CSMD1: variants seen among roughly 807,000 people sequenced by gnomAD.
The protein encoded by CSMD1 is CUB and Sushi multiple domains 1.
Under a neutral mutation model 417.5 loss-of-function variants are expected in CSMD1, and 213 were observed. The observed-to-expected ratio is 0.51, with a 90% CI of 0.46 to 0.57. The LOEUF is 0.57. CSMD1 is among the 20% of genes least tolerant of loss of function. The pLI is 0.00. For missense variants in CSMD1, 6,923 were observed against 4,529.7 expected, an observed-to-expected ratio of 1.53 and a Z score of -15.17; for synonymous variants, 2,862 against 1,736.8, an observed-to-expected ratio of 1.65 and a Z score of -16.11.
intron 3 of CSMD1, among the ~76,000 whole-genome samples, chr8:4,139,056 C>T (rs927654461): frequency 6.6e-6 from 1 of 152,114 alleles, no homozygotes; most frequent in Admixed American, 6.5e-5. Context: ...AGACTTGGGG[C>T]CACCAAAAAC....
At chr8:4,692,838 A>G (rs1806858629) in intron 1 of CSMD1, among the ~76,000 whole-genome samples, 1 of 152,158 alleles carries the variant, frequency 6.6e-6, no homozygotes, top group African/African-American at 2.4e-5. Flanking sequence ...GTCATGAACT[A>G]CTTTCTCATC....
At chr8:3,665,703 C>T (rs1229563681) in intron 7 of CSMD1, among the ~76,000 whole-genome samples, 8 of 152,002 alleles carry the variant, frequency 5.3e-5, no homozygotes, top group African/African-American at 1.2e-4. Context: ...GTGAAACCAT[C>T]GCTACATATC....
Position 2,968,558 on chromosome 8 carries a change from A to T in CSMD1, c.8924-1812T>A, listed in dbSNP as rs150766904. Among the ~76,000 whole-genome samples, 251 of 152,340 alleles carry T rather than the reference A, an allele frequency of 1.6e-3. 1 individual carries two copies. Among genetic ancestry groups the T allele is most frequent in the African/African-American group, 5.9e-3 (246 of 41,578 alleles). ...TGTCCCCTCAAATATTGTACTGTGG[A>T]AAGTAAAATTCATGATTAGTTTTTT... On this transcript the variant is annotated intron_variant, in intron 57 of 69. Coordinates refer to ENST00000635120, the MANE Select transcript of CSMD1 (RefSeq NM_033225.6).
Position 4,440,539 on chromosome 8 carries a change from T to A in CSMD1, c.303-20474A>T, listed in dbSNP as rs192421830. Among the ~76,000 whole-genome samples the A allele has an allele frequency of 7.9e-5, 12 of 152,318 alleles. No homozygotes were observed. The East Asian group carries it at 1.9e-3, about 25-fold the overall frequency. ...GATATAAAGACATGTACAGATAACA[T>A]TGCTGACATGCATATCTATATGTAA... is the stretch of plus-strand genomic sequence containing the variant. On this transcript the variant is annotated intron_variant, in intron 2 of 69. Transcript: ENST00000635120.
At chr8:4,041,891 T>G (rs550845271) in intron 3 of CSMD1, among the ~76,000 whole-genome samples, 4 of 152,078 alleles carry the variant, frequency 2.6e-5, no homozygotes, top group African/African-American at 9.6e-5. Flanking sequence ...TGTTATAAGG[T>G]AGAATAGATA....
chr8:4,330,201 C>T (rs1163504265), intron 3 of CSMD1, among the ~76,000 whole-genome samples: 2 of 122,176 alleles, frequency 1.6e-5, no homozygotes, highest in Non-Finnish European at 4.0e-5. Context: ...TCCACAATTT[C>T]TCCATAACAC....
At chr8:4,457,869 G>A (rs1389030988) in intron 2 of CSMD1, among the ~76,000 whole-genome samples, 3 of 152,046 alleles carry the variant, frequency 2.0e-5, no homozygotes, top group African/African-American at 7.2e-5. Flanking sequence ...CCTCCCCTGG[G>A]ACAGCTTGAT....
chr8:3,763,100 G>T (rs938815676), intron 5 of CSMD1, among the ~76,000 whole-genome samples: 1 of 152,198 alleles, frequency 6.6e-6, no homozygotes, highest in Non-Finnish European at 1.5e-5. Context: ...ACGTAACAGA[G>T]TGCTGGGCAT....
At chr8:4,077,274 G>C (rs1184127240) in intron 3 of CSMD1, among the ~76,000 whole-genome samples, 3 of 94,906 alleles carry the variant, frequency 3.2e-5, no homozygotes, top group African/African-American at 1.4e-4. Flanking sequence ...AAGCCCATTT[G>C]TCACCTATAT....
At chr8:4,293,431 T>A (rs1283109621) in intron 3 of CSMD1, among the ~76,000 whole-genome samples, 1 of 152,228 alleles carries the variant, frequency 6.6e-6, no homozygotes, top group Non-Finnish European at 1.5e-5. Flanking sequence ...TAAAAAGTGT[T>A]TTAAAAAAAT....
At position 3,029,121 on chromosome 8, in the gene CSMD1, A is replaced by G. The variant is rs1053323851; in HGVS notation, c.7855+198T>C. Among the ~76,000 whole-genome samples, 4 of 152,184 alleles carry G rather than the reference A, an allele frequency of 2.6e-5. No homozygotes were observed. The South Asian group carries it at 8.3e-4, about 32-fold the overall frequency. On this transcript the variant is annotated intron_variant, in intron 51 of 69. Transcript: ENST00000635120. The stretch of plus-strand genomic sequence containing the variant: ...AAGGAAAAGACAACATCAAATGCCT[A>G]ATCGAGCAGCAATGTGGTTTAAGTA...
At chr8:4,571,169 T>G (rs1798876367) in intron 2 of CSMD1, among the ~76,000 whole-genome samples, 1 of 152,174 alleles carries the variant, frequency 6.6e-6, no homozygotes, top group Non-Finnish European at 1.5e-5. Flanking sequence ...CTTAGTTATT[T>G]CTTGTCTTCT....
At chr8:3,860,099 A>G (rs756085585) in intron 5 of CSMD1, among the ~76,000 whole-genome samples, 6 of 152,122 alleles carry the variant, frequency 3.9e-5, no homozygotes, top group East Asian at 1.9e-4. Context: ...CACTTTAAAA[A>G]GTTTGCCTTC....
At chr8:3,968,527 T>C (rs187323478) in intron 5 of CSMD1, among the ~76,000 whole-genome samples, 79 of 149,254 alleles carry the variant, frequency 5.3e-4, no homozygotes, top group African/African-American at 1.9e-3. Flanking sequence ...ATACTGCAAA[T>C]GCCATTTTTT....
At chr8:3,521,815 C>A (rs28695789) in intron 10 of CSMD1, among the ~76,000 whole-genome samples, 2 of 152,070 alleles carry the variant, frequency 1.3e-5, no homozygotes, top group African/African-American at 4.8e-5. Context: ...TGTATACACA[C>A]CTTCTTAGCT....
chr8:3,445,174 C>G (rs1006893475), intron 12 of CSMD1, among the ~76,000 whole-genome samples: 1 of 152,184 alleles, frequency 6.6e-6, no homozygotes, highest in African/African-American at 2.4e-5. Context: ...TAACACAGTA[C>G]ACTTTTAATA....
chr8:2,951,514 T>C (rs1409108346), intron 65 of CSMD1, among the ~76,000 whole-genome samples: 2 of 152,178 alleles, frequency 1.3e-5, no homozygotes, highest in Non-Finnish European at 2.9e-5. Flanking sequence ...CTTTTATTAT[T>C]ATTAGAAGCC....
intron 1 of CSMD1, among the ~76,000 whole-genome samples, chr8:4,637,763 C>T (rs961114034): frequency 1.8e-4 from 26 of 145,496 alleles, no homozygotes; most frequent in African/African-American, 2.7e-4. Context: ...CTCCGCTTCC[C>T]GGGTTCACGC....
intron 18 of CSMD1, among the ~76,000 whole-genome samples, chr8:3,369,633 G>A (rs1023051649): frequency 6.6e-6 from 1 of 152,154 alleles, no homozygotes; most frequent in Non-Finnish European, 1.5e-5. Context: ...GCATTAACAA[G>A]CCTCAGAATT....
Sources: gnomAD v4.1 joint callset for allele counts (sites outside exome capture counted in the v4.1 genomes callset) on GRCh38, gnomAD v4.1.1 for gene constraint, MANE v1.5 for transcripts, NCBI Gene and HGNC (gene_info 2026-07-23, HGNC 2026-07-21) for gene names.